The following RPSA2 variants were observed in gnomAD, a reference collection of about 807,000 sequenced individuals.
RPSA2 encodes small ribosomal subunit protein uS2B.
chr19:23,867,460 A>C, the RPSA2 span, among the ~76,000 whole-genome samples: 1 of 152,156 alleles, frequency 6.6e-6, no homozygotes, highest in Non-Finnish European at 1.5e-5. Flanking sequence ...AAGGACATGG[A>C]ATATCAGAGT....
the RPSA2 span, chr19:23,790,807 G>A: frequency 3.7e-6 from 2 of 543,642 alleles, no homozygotes; most frequent in Non-Finnish European, 3.4e-6. Context: ...CTGGAGAGGG[G>A]CAAGGGCTGG....
chr19:23,777,068 T>C, the RPSA2 span, among the ~76,000 whole-genome samples: 2 of 152,140 alleles, frequency 1.3e-5, no homozygotes, highest in Non-Finnish European at 2.9e-5. Context: ...ACAGGTGTGA[T>C]TGTGACACAT....
the RPSA2 span, among the ~76,000 whole-genome samples, chr19:23,861,542 T>TGC: frequency 1.3e-5 from 2 of 152,154 alleles, no homozygotes; most frequent in Non-Finnish European, 2.9e-5. Flanking sequence ...CTTGGCAGTA[T>TGC]TTTTTCAGGG....
the RPSA2 span, among the ~76,000 whole-genome samples, chr19:23,824,896 T>G: frequency 6.6e-6 from 1 of 152,062 alleles, no homozygotes; most frequent in African/African-American, 2.4e-5. Context: ...CTCTGTATTT[T>G]TTTTCTTCAT....
the RPSA2 span, chr19:23,826,993 ATTTTTATATTTCAAATTATAT>A: frequency 5.3e-5 from 33 of 626,646 alleles, no homozygotes; most frequent in Non-Finnish European, 9.1e-5. Context: ...CCTGGGAAGA[ATTTTTATATTTCAAATTATAT>A]CTACTGAATG....
the RPSA2 span, among the ~76,000 whole-genome samples, chr19:23,868,263 C>T: frequency 1.3e-5 from 2 of 152,312 alleles, 1 homozygote; most frequent in South Asian, 4.1e-4. Context: ...TTTGCCTTCT[C>T]TGTGCCTTCT....
chr19:23,791,950 G>C, the RPSA2 span, among the ~76,000 whole-genome samples: 1 of 152,166 alleles, frequency 6.6e-6, no homozygotes, highest in South Asian at 2.1e-4. Flanking sequence ...TCGAGCTCCT[G>C]GCCTCAGGTG....
the RPSA2 span, chr19:23,808,629 T>G: frequency 2.9e-6 from 1 of 349,900 alleles, no homozygotes; most frequent in African/African-American, 2.3e-5. Context: ...TATTAGAATA[T>G]TCTATTATAT....
At chr19:23,826,613 G>A in the RPSA2 span, among the ~76,000 whole-genome samples, 1 of 151,946 alleles carries the variant, frequency 6.6e-6, no homozygotes, top group Non-Finnish European at 1.5e-5. Flanking sequence ...ATTTCATTTT[G>A]CATAATGCCA....
the RPSA2 span, among the ~76,000 whole-genome samples, chr19:23,829,411 C>T: frequency 2.0e-5 from 3 of 152,152 alleles, no homozygotes; most frequent in Non-Finnish European, 4.4e-5. Flanking sequence ...AAGCAATTTA[C>T]CTGCCTCAAC....
At chr19:23,848,020 A>G in the RPSA2 span, among the ~76,000 whole-genome samples, 1 of 152,226 alleles carries the variant, frequency 6.6e-6, no homozygotes, top group African/African-American at 2.4e-5. Flanking sequence ...GTTCTTTTTC[A>G]AGGTGCACTG....
the RPSA2 span, among the ~76,000 whole-genome samples, chr19:23,859,831 T>C: frequency 6.6e-6 from 1 of 152,350 alleles, no homozygotes; most frequent in East Asian, 1.9e-4. Flanking sequence ...TTTGTAAATA[T>C]GCCTACTCTT....
the RPSA2 span, among the ~76,000 whole-genome samples, chr19:23,820,064 A>C: frequency 3.3e-5 from 5 of 152,202 alleles, no homozygotes; most frequent in African/African-American, 1.2e-4. Context: ...CATCCTGAAA[A>C]GGTGCAGACA....
At chr19:23,808,812 C>T in the RPSA2 span, 1 of 886,610 alleles carries the variant, frequency 1.1e-6, no homozygotes, top group Non-Finnish European at 1.7e-6. Flanking sequence ...GATGAACCCC[C>T]AGGTAGGTTA....
chr19:23,857,065 C>G, the RPSA2 span, among the ~76,000 whole-genome samples: 1 of 152,142 alleles, frequency 6.6e-6, no homozygotes. Context: ...TTATCTCAAT[C>G]GCATAGAACA....
At chr19:23,854,012 T>C in the RPSA2 span, among the ~76,000 whole-genome samples, 1 of 152,198 alleles carries the variant, frequency 6.6e-6, no homozygotes. Context: ...AGAAATTACA[T>C]TAATCCAATA....
At chr19:23,815,667 C>G in the RPSA2 span, among the ~76,000 whole-genome samples, 6 of 152,194 alleles carry the variant, frequency 3.9e-5, no homozygotes, top group Non-Finnish European at 7.4e-5. Context: ...ATGATTAATA[C>G]GGTCTGCAAT....
At chr19:23,826,883 G>T in the RPSA2 span, among the ~76,000 whole-genome samples, 5 of 6,054 alleles carry the variant, frequency 8.3e-4, no homozygotes, top group Non-Finnish European at 0.058. Flanking sequence ...GTAAGGACAG[G>T]GTTCACCATT....
the RPSA2 span, among the ~76,000 whole-genome samples, chr19:23,762,451 G>A: frequency 3.3e-5 from 5 of 151,406 alleles, no homozygotes; most frequent in Non-Finnish European, 5.9e-5. Flanking sequence ...TGAGGCGGGC[G>A]GAACACCTGG....
Sources: gnomAD v4.1 joint callset for allele counts (sites outside exome capture counted in the v4.1 genomes callset) on GRCh38, gnomAD v4.1.1 for gene constraint, MANE v1.5 for transcripts, NCBI Gene and HGNC (gene_info 2026-07-23, HGNC 2026-07-21) for gene names.